PBX3: variants seen among roughly 807,000 people sequenced by gnomAD.
PBX3 encodes the protein pre-B-cell leukemia transcription factor 3.
A neutral mutation model predicts 48.5 loss-of-function variants in PBX3; 14 were observed. The ratio of observed to expected loss-of-function variants is 0.29; its 90% CI spans 0.19 to 0.45. PBX3 has a LOEUF of 0.45. Ranked by LOEUF, PBX3 falls within the 20% of genes least tolerant of loss-of-function variation. The pLI, the probability that PBX3 is intolerant of heterozygous loss-of-function variation, is 1.00. For missense variants in PBX3, 386 were observed against 546.7 expected (o/e 0.71, Z 2.93); for synonymous variants, 210 against 200.3 (o/e 1.05, Z -0.41).
In PBX3 at chr9:125,820,353, C is replaced by T. The variant is rs368029167; in HGVS notation, c.274+71730C>T. ...CATGACAGTGCTTGTTTCTATTCAG[C>T]ACTCCCCTCCACTTTAAAATTAACT... On this transcript the variant is annotated intron_variant, in intron 2 of 8. Coordinates refer to ENST00000373489, the MANE Select transcript of PBX3 (RefSeq NM_006195.6). Among the ~76,000 whole-genome samples, 55 of 152,264 alleles carry T rather than the reference C, an allele frequency of 3.6e-4. No homozygotes were observed. In the East Asian group the frequency reaches 4.0e-3, roughly 11 times the overall value.
At chr9:125,799,980 T>C (rs1195844827) in intron 2 of PBX3, among the ~76,000 whole-genome samples, 10 of 152,364 alleles carry the variant, frequency 6.6e-5, no homozygotes, top group Middle Eastern at 6.8e-3. Flanking sequence ...GGGACTGCAT[T>C]GTTTCAGCAA....
chr9:125,810,478 CT>C (rs1838257942), intron 2 of PBX3, among the ~76,000 whole-genome samples: 1 of 151,628 alleles, frequency 6.6e-6, no homozygotes, highest in South Asian at 2.1e-4. Context: ...TAAGGTCTGT[CT>C]TTTTACAGAA....
At chr9:125,800,244 G>C (rs1014537426) in intron 2 of PBX3, among the ~76,000 whole-genome samples, 1 of 152,126 alleles carries the variant, frequency 6.6e-6, no homozygotes, top group Non-Finnish European at 1.5e-5. Flanking sequence ...GTCAACAAAA[G>C]AGGTTGTATA....
chr9:125,864,049 G>T (rs1246109124), intron 2 of PBX3, among the ~76,000 whole-genome samples: 1 of 152,142 alleles, frequency 6.6e-6, no homozygotes, highest in African/African-American at 2.4e-5. Flanking sequence ...TAATGAGGAA[G>T]GAGAATAAAC....
chr9:125,804,602 C>G (rs1350202334), intron 2 of PBX3, among the ~76,000 whole-genome samples: 1 of 152,092 alleles, frequency 6.6e-6, no homozygotes, highest in Non-Finnish European at 1.5e-5. Context: ...ATATTTGATA[C>G]AAATTATGTG....
chr9:125,797,601 G>A (rs980986839), intron 2 of PBX3: 1 of 152,052 alleles, frequency 6.6e-6, no homozygotes, highest in South Asian at 2.1e-4. Context: ...GATACATATA[G>A]TACACAGTAA....
At chr9:125,785,859 G>GCCA (rs2132048845) in intron 2 of PBX3, among the ~76,000 whole-genome samples, 1 of 152,100 alleles carries the variant, frequency 6.6e-6, no homozygotes, top group Non-Finnish European at 1.5e-5. Flanking sequence ...CTTTGAGCCT[G>GCCA]CCACTAAACC....
chr9:125,929,275 A>G (rs1015183870), intron 3 of PBX3, among the ~76,000 whole-genome samples: 1 of 152,230 alleles, frequency 6.6e-6, no homozygotes, highest in African/African-American at 2.4e-5. Context: ...GTTGTTCAGT[A>G]AGCATTTGTT....
intron 8 of PBX3, among the ~76,000 whole-genome samples, chr9:125,963,874 A>C (rs1842479719): frequency 6.6e-6 from 1 of 152,052 alleles, no homozygotes; most frequent in South Asian, 2.1e-4. Context: ...TTAAAAAGTG[A>C]TTGAGGATGT....
At chr9:125,913,534 G>A (rs1182972584) in intron 2 of PBX3, among the ~76,000 whole-genome samples, 1 of 152,034 alleles carries the variant, frequency 6.6e-6, no homozygotes, top group Non-Finnish European at 1.5e-5. Context: ...TGTGCCTTTT[G>A]CATTTGTTCC....
At chr9:125,909,471 C>A (rs1313963686) in intron 2 of PBX3, among the ~76,000 whole-genome samples, 2 of 152,096 alleles carry the variant, frequency 1.3e-5, no homozygotes, top group Non-Finnish European at 2.9e-5. Context: ...TTTTTGATGG[C>A]TCCAAGCAGC....
At chr9:125,824,822 A>G (rs1464508027) in intron 2 of PBX3, among the ~76,000 whole-genome samples, 2 of 152,150 alleles carry the variant, frequency 1.3e-5, no homozygotes, top group African/African-American at 4.8e-5. Context: ...GTTATGTAAC[A>G]ATAACGATAG....
rs750227842 is a variant in PBX3 at position 125,747,525 on chromosome 9, C to G, written c.72C>G (p.Gly24=). The G allele has an allele frequency of 1.2e-6, 2 of 1,600,636 alleles. No homozygotes were observed. The highest frequency in any genetic ancestry group is 3.4e-5 in the Admixed American group (2 of 58,974). ...TGGCTGGCCACTCGGTGCAGGGGGG[C>G]ATGGCCCTGCCGCCTCCCCCGCACG... ...VNLAGHSVQG[G]MALPPPPHGH... The change falls in exon 1 of 9, where the codon GGC becomes GGG. Residue 24 remains glycine (G), a synonymous_variant. Coordinates refer to ENST00000373489, the MANE Select transcript of PBX3 (RefSeq NM_006195.6).
At chr9:125,845,988 A>G (rs939663794) in intron 2 of PBX3, among the ~76,000 whole-genome samples, 3 of 152,092 alleles carry the variant, frequency 2.0e-5, no homozygotes, top group Non-Finnish European at 4.4e-5. Flanking sequence ...AAAATGATTC[A>G]CTGAATTAGT....
chr9:125,966,971 C>G lies in PBX3; in HGVS notation c.*1048C>G, dbSNP rs1457018587. 2 of 152,174 alleles carry G rather than the reference C, an allele frequency of 1.3e-5. No individual in the cohort carries two copies. Among genetic ancestry groups the G allele is most frequent in the Non-Finnish European group, 2.9e-5 (2 of 67,984 alleles). 9.4% of individuals were successfully genotyped at this position (152,174 alleles called of 1,614,324 possible). ...AAAAGAAAAATCAGGGTTGCACTTGCAACTTTTAAAAAACCGAGTGTGGAA... is the reference window on the plus strand; with the variant it reads ...AAAAGAAAAATCAGGGTTGCACTTGGAACTTTTAAAAAACCGAGTGTGGAA... On this transcript the variant is annotated 3_prime_UTR_variant, in exon 9 of 9. Transcript: ENST00000373489.
At chr9:125,894,758 CT>C (rs963062458) in intron 2 of PBX3, among the ~76,000 whole-genome samples, 5 of 152,052 alleles carry the variant, frequency 3.3e-5, no homozygotes, top group Admixed American at 6.6e-5. Flanking sequence ...CTTCTGTCTT[CT>C]TATAGTGTGC....
chr9:125,950,228 GA>G (rs1384063499), intron 5 of PBX3, among the ~76,000 whole-genome samples: 1 of 152,182 alleles, frequency 6.6e-6, no homozygotes, highest in Non-Finnish European at 1.5e-5. Flanking sequence ...ACCTCTTTGT[GA>G]ATGTCATGAG....
In PBX3 at chr9:125,800,750, A is replaced by ATTTTT. The variant is rs60068482; in HGVS notation, c.274+52143_274+52147dup. Reference sequence around the variant, plus strand: ...ACACTAATCTGAGCGCTTGGAATTAATTTTTTTTTTTTTTTTTTTTGAGAC... The same window carrying ATTTTT: ...ACACTAATCTGAGCGCTTGGAATTAATTTTTTTTTTTTTTTTTTTTTTTTTGAGAC... On this transcript the variant is annotated intron_variant, in intron 2 of 8. Coordinates refer to ENST00000373489, the MANE Select transcript of PBX3 (RefSeq NM_006195.6). Among the ~76,000 whole-genome samples the ATTTTT allele has an allele frequency of 0.014, 1,827 of 132,998 alleles. 79 individuals carry two copies. In the East Asian group the frequency reaches 0.14, roughly 10 times the overall value. 87.3% of individuals were successfully genotyped at this position (132,998 alleles called of 152,430 possible). A position where few individuals can be genotyped will look rare whatever the true frequency, so the allele number is the denominator to read the frequency against.
At chr9:125,751,722 A>T (rs1465068848) in intron 2 of PBX3, among the ~76,000 whole-genome samples, 4 of 152,198 alleles carry the variant, frequency 2.6e-5, no homozygotes, top group African/African-American at 9.7e-5. Context: ...CAGTGAGATT[A>T]TTGTTGATAT....
Sources: allele counts gnomAD v4.1 joint callset (sites outside exome capture counted in the v4.1 genomes callset), GRCh38; gene constraint gnomAD v4.1.1; transcripts MANE v1.5; gene names NCBI Gene and HGNC (gene_info 2026-07-23, HGNC 2026-07-21).